Variants in HS6ST2 observed in about 807,000 individuals in gnomAD.
HS6ST2 encodes the protein heparan sulfate 6-O-sulfotransferase 2.
HS6ST2 carries 17 observed loss-of-function variants against 33.0 expected under a neutral mutation model. That is an observed-to-expected ratio of 0.52 (90% CI 0.35 to 0.77). HS6ST2 has a LOEUF of 0.77. Among genes scored for constraint, HS6ST2 ranks in the 30% least tolerant of loss-of-function variants. The pLI is 0.01. For synonymous variants in HS6ST2, 248 were observed against 237.1 expected, an observed-to-expected ratio of 1.05 and a Z score of -0.42; for missense variants, 519 against 551.7, an observed-to-expected ratio of 0.94 and a Z score of 0.59.
chrX:132,711,464 C>T (rs1268843706), intron 2 of HS6ST2, among the ~76,000 whole-genome samples: 4 of 111,689 alleles, frequency 3.6e-5, no homozygotes, highest in Non-Finnish European at 7.5e-5. Flanking sequence ...CTCATTTGAT[C>T]TTGGGCAAAT....
At chrX:132,822,815 G>A (rs1200894763) in intron 2 of HS6ST2, among the ~76,000 whole-genome samples, 2 of 112,173 alleles carry the variant, frequency 1.8e-5, no homozygotes, top group African/African-American at 3.2e-5. Context: ...TCAGTCAGAG[G>A]CCTGTTGTCA....
At position 132,893,763 on chromosome X, in the gene HS6ST2, T is replaced by C. The variant is rs186468172; in HGVS notation, c.947+63045A>G. On this transcript the variant is annotated intron_variant, in intron 2 of 4. Transcript: ENST00000370833. The stretch of plus-strand genomic sequence containing the variant: ...AGAATGAATATGGCATTGAGGTCTA[T>C]TGAATGCCACTAAACAGGGTGTCTA... Among the ~76,000 whole-genome samples, 487 of 111,566 alleles carry C rather than the reference T, an allele frequency of 4.4e-3. 1 individual carries two copies. The highest frequency in any genetic ancestry group is 6.9e-3 in the Non-Finnish European group (365 of 53,075).
chrX:132,881,065 T>C (rs2066166471), intron 2 of HS6ST2, among the ~76,000 whole-genome samples: 2 of 110,986 alleles, frequency 1.8e-5, no homozygotes, highest in Non-Finnish European at 3.8e-5. Flanking sequence ...TTTGCTATTG[T>C]GAATAGTGCC....
intron 2 of HS6ST2, among the ~76,000 whole-genome samples, chrX:132,786,842 G>A (rs757214550): frequency 2.8e-5 from 3 of 108,140 alleles, no homozygotes; most frequent in East Asian, 2.9e-4. Context: ...GGCTGGTCTC[G>A]AACTCCTGAC....
At chrX:132,860,450 C>T (rs146064473) in intron 2 of HS6ST2, among the ~76,000 whole-genome samples, 1,888 of 112,377 alleles carry the variant, frequency 0.017, 103 homozygotes, top group Admixed American at 0.16. Flanking sequence ...TGCCAACCAT[C>T]ACACAGTAAA....
At chrX:132,659,114 C>T (rs2063751917) in intron 4 of HS6ST2, among the ~76,000 whole-genome samples, 1 of 111,876 alleles carries the variant, frequency 8.9e-6, no homozygotes, top group Admixed American at 9.5e-5. Flanking sequence ...ATGCTAGGCA[C>T]CCATGCACTG....
chrX:132,928,878 T>C (rs2066736729), intron 2 of HS6ST2, among the ~76,000 whole-genome samples: 1 of 111,373 alleles, frequency 9.0e-6, no homozygotes, highest in Non-Finnish European at 1.9e-5. Flanking sequence ...ATAAGCCATG[T>C]TATTAGGTCT....
intron 2 of HS6ST2, among the ~76,000 whole-genome samples, chrX:132,822,012 A>C (rs945308033): frequency 3.6e-5 from 3 of 84,313 alleles, no homozygotes; most frequent in African/African-American, 1.7e-4. Flanking sequence ...AAATGAAAGC[A>C]CTTGCTTATG....
intron 4 of HS6ST2, among the ~76,000 whole-genome samples, chrX:132,652,449 A>T (rs1313824709): frequency 8.9e-6 from 1 of 111,921 alleles, no homozygotes; most frequent in African/African-American, 3.2e-5. Context: ...CCACATTTAC[A>T]GTGCCTTCTA....
intron 2 of HS6ST2, among the ~76,000 whole-genome samples, chrX:132,846,813 A>C: frequency 9.1e-6 from 1 of 110,455 alleles, no homozygotes; most frequent in Middle Eastern, 4.6e-3. Context: ...GAGAAGATAC[A>C]AATGCCATTC....
chrX:132,944,259 C>T (rs760094732), intron 2 of HS6ST2, among the ~76,000 whole-genome samples: 1 of 111,240 alleles, frequency 9.0e-6, no homozygotes, highest in Admixed American at 9.6e-5. Flanking sequence ...TTCACAACTG[C>T]CTCAAAGAGA....
intron 2 of HS6ST2, among the ~76,000 whole-genome samples, chrX:132,756,072 A>G (rs1041596099): frequency 1.8e-5 from 2 of 111,976 alleles, no homozygotes; most frequent in Non-Finnish European, 3.8e-5. Flanking sequence ...AAATCATGAC[A>G]ATGATCTACT....
chrX:132,847,566 C>T (rs187404630), intron 2 of HS6ST2, among the ~76,000 whole-genome samples: 2 of 111,687 alleles, frequency 1.8e-5, no homozygotes, highest in African/African-American at 6.5e-5. Context: ...GAATCTTGGA[C>T]TCCACTGCTG....
chrX:132,744,438 C>A (rs111609871), intron 2 of HS6ST2, among the ~76,000 whole-genome samples: 1 of 111,774 alleles, frequency 8.9e-6, no homozygotes, highest in Non-Finnish European at 1.9e-5. Context: ...AGTCATGGTA[C>A]CCCAGTGCAC....
chrX:132,885,119 G>A (rs1463641754), intron 2 of HS6ST2, among the ~76,000 whole-genome samples: 1 of 111,779 alleles, frequency 8.9e-6, no homozygotes, highest in Admixed American at 9.5e-5. Context: ...TGTCCATCAA[G>A]TGATAAACAG....
At chrX:132,956,676 G>C in intron 2 of HS6ST2, 132 bp downstream of exon 2, 1 of 786,145 alleles carries the variant, frequency 1.3e-6, no homozygotes, top group Non-Finnish European at 1.7e-6. Context: ...TGGGCGCCCA[G>C]CACCTGCCCA....
At chrX:132,726,738 T>A (rs2064395651) in intron 2 of HS6ST2, among the ~76,000 whole-genome samples, 1 of 112,063 alleles carries the variant, frequency 8.9e-6, no homozygotes. Flanking sequence ...TCTGGACATT[T>A]CAAATAAATG....
chrX:132,767,847 G>T (rs964453295), intron 2 of HS6ST2, among the ~76,000 whole-genome samples: 25 of 111,449 alleles, frequency 2.2e-4, no homozygotes, highest in African/African-American at 8.2e-4. Context: ...CTGAACCACA[G>T]AGAGGTTAAG....
At chrX:132,828,660 T>A (rs1210316066) in intron 2 of HS6ST2, among the ~76,000 whole-genome samples, 10 of 88,022 alleles carry the variant, frequency 1.1e-4, no homozygotes, top group African/African-American at 4.6e-4. Flanking sequence ...TTCCTGGGGA[T>A]AATGGAAATA....
Sources: gnomAD v4.1 joint callset for allele counts (sites outside exome capture counted in the v4.1 genomes callset) on GRCh38, gnomAD v4.1.1 for gene constraint, MANE v1.5 for transcripts, NCBI Gene and HGNC (gene_info 2026-07-23, HGNC 2026-07-21) for gene names.